Variants in MGAT4C observed in about 807,000 individuals in gnomAD.
The protein encoded by MGAT4C is alpha-1,3-mannosyl-glycoprotein 4-beta-N-acetylglucosaminyltransferase C.
MGAT4C carries 19 observed loss-of-function variants against 40.1 expected under a neutral mutation model. The ratio of observed to expected loss-of-function variants is 0.47; its 90% CI spans 0.33 to 0.70. The LOEUF (loss-of-function observed/expected upper bound fraction) is 0.70. Ranked by LOEUF, MGAT4C falls within the 30% of genes least tolerant of loss-of-function variation. The pLI, the probability that MGAT4C is intolerant of heterozygous loss-of-function variation, is 0.02. For missense variants in MGAT4C, 491 were observed against 563.2 expected, an observed-to-expected ratio of 0.87 and a Z score of 1.30; for synonymous variants, 181 against 187.1, an observed-to-expected ratio of 0.97 and a Z score of 0.27.
At chr12:86,460,609 G>A (rs1957583109) in intron 2 of MGAT4C, among the ~76,000 whole-genome samples, 2 of 152,110 alleles carry the variant, frequency 1.3e-5, no homozygotes, top group East Asian at 3.9e-4. Context: ...TAGCATGTGT[G>A]TGTCTGTATG....
At chr12:86,472,996 C>G (rs1957777869) in intron 2 of MGAT4C, among the ~76,000 whole-genome samples, 1 of 152,076 alleles carries the variant, frequency 6.6e-6, no homozygotes, top group Non-Finnish European at 1.5e-5. Flanking sequence ...CGCTCTGTTA[C>G]CCAGGATGGA....
At chr12:86,158,925 A>G (rs1885283942) in intron 1 of MGAT4C, among the ~76,000 whole-genome samples, 1 of 152,160 alleles carries the variant, frequency 6.6e-6, no homozygotes, top group African/African-American at 2.4e-5. Context: ...TATCAATTCT[A>G]GGAGTCTTTA....
At chr12:86,294,854 C>T (rs1361111393) in intron 4 of MGAT4C, among the ~76,000 whole-genome samples, 1 of 152,116 alleles carries the variant, frequency 6.6e-6, no homozygotes, top group Non-Finnish European at 1.5e-5. Flanking sequence ...CATTTGCTCC[C>T]ACCATTTTCC....
intron 1 of MGAT4C, among the ~76,000 whole-genome samples, chr12:86,057,521 T>A (rs1469459255): frequency 6.6e-6 from 1 of 152,216 alleles, no homozygotes; most frequent in African/African-American, 2.4e-5. Context: ...GCTTTCATGC[T>A]TCAGTGACTT....
chr12:86,043,904 T>G (rs1892133191), intron 2 of MGAT4C, among the ~76,000 whole-genome samples: 1 of 152,238 alleles, frequency 6.6e-6, no homozygotes, highest in African/African-American at 2.4e-5. Context: ...TAAGAACCAT[T>G]GCTGGGGAAC....
intron 2 of MGAT4C, among the ~76,000 whole-genome samples, chr12:86,717,355 A>C (rs1950660954): frequency 6.6e-6 from 1 of 152,088 alleles, no homozygotes; most frequent in South Asian, 2.1e-4. Context: ...GAAAGCAAGA[A>C]TTTTGTATTA....
chr12:86,578,548 T>C (rs1960652947), intron 2 of MGAT4C, among the ~76,000 whole-genome samples: 1 of 151,800 alleles, frequency 6.6e-6, no homozygotes, highest in Admixed American at 6.6e-5. Context: ...CCTTGTTACT[T>C]GTTATTGGCC....
intron 2 of MGAT4C, among the ~76,000 whole-genome samples, chr12:86,716,387 T>A (rs1950645168): frequency 6.6e-6 from 1 of 152,134 alleles, no homozygotes; most frequent in African/African-American, 2.4e-5. Context: ...TATCTTTTTT[T>A]ATTCCTTTTG....
At chr12:86,571,906 T>A (rs117164810) in intron 2 of MGAT4C, among the ~76,000 whole-genome samples, 4,933 of 152,240 alleles carry the variant, frequency 0.032, 116 homozygotes, top group Non-Finnish European at 0.051. Context: ...AATGCATGGT[T>A]ATAAATCCCA....
chr12:86,344,792 C>T (rs1954991426), intron 3 of MGAT4C, among the ~76,000 whole-genome samples: 1 of 148,080 alleles, frequency 6.8e-6, no homozygotes, highest in African/African-American at 2.5e-5. Flanking sequence ...AAGAGGGGCA[C>T]ATTGAGAGGA....
intron 2 of MGAT4C, among the ~76,000 whole-genome samples, chr12:86,712,293 A>C (rs992440315): frequency 1.3e-5 from 2 of 152,270 alleles, no homozygotes; most frequent in Non-Finnish European, 2.9e-5. Flanking sequence ...CCAACTCAAA[A>C]AAATATATAA....
chr12:86,721,426 GA>G lies in MGAT4C; in HGVS notation c.-229+5782del, dbSNP rs374789465. 2.3e-3 allele frequency among the ~76,000 whole-genome samples: 344 copies of G among 147,248 alleles called. 1 individual carries two copies. Among genetic ancestry groups the G allele is most frequent in the South Asian group, 0.01 (47 of 4,608 alleles). ...AGACAGCCATAGAAATGCACCATAA[GA>G]AAAAAAAAAGTAGACTAGCGCAATT... On this transcript the variant is annotated intron_variant, in intron 2 of 7. Coordinates refer to the MGAT4C transcript ENST00000548651.
At chr12:86,693,276 A>G (rs1276319452) in intron 2 of MGAT4C, among the ~76,000 whole-genome samples, 1 of 152,194 alleles carries the variant, frequency 6.6e-6, no homozygotes. Context: ...GTATACACTG[A>G]TTAATTCATT....
intron 2 of MGAT4C, among the ~76,000 whole-genome samples, chr12:86,441,358 A>T (rs1487035930): frequency 1.3e-5 from 2 of 151,066 alleles, no homozygotes; most frequent in Admixed American, 1.3e-4. Flanking sequence ...TATTATTATT[A>T]TTATTATACT....
At chr12:86,279,498 T>C (rs1953160153) in intron 4 of MGAT4C, among the ~76,000 whole-genome samples, 1 of 152,142 alleles carries the variant, frequency 6.6e-6, no homozygotes, top group African/African-American at 2.4e-5. Context: ...GTGTCAGTTG[T>C]AAGTCTCCTT....
upstream of MGAT4C, among the ~76,000 whole-genome samples, chr12:86,260,046 C>T (rs1410347601): frequency 1.3e-5 from 2 of 151,892 alleles, no homozygotes; most frequent in African/African-American, 4.8e-5. Context: ...TACATAGACA[C>T]ATAATTAACA....
chr12:86,730,701 C>T (rs1950893569), intron 1 of MGAT4C, among the ~76,000 whole-genome samples: 2 of 152,002 alleles, frequency 1.3e-5, no homozygotes, highest in South Asian at 4.1e-4. Context: ...CAGTAAAATA[C>T]TGCTGTGTTT....
At chr12:86,489,887 G>T (rs1958098070) in intron 2 of MGAT4C, among the ~76,000 whole-genome samples, 1 of 152,186 alleles carries the variant, frequency 6.6e-6, no homozygotes, top group Non-Finnish European at 1.5e-5. Flanking sequence ...AGAATAAAAA[G>T]AAATGAACAA....
At chr12:86,137,406 T>C (rs1882126751) in intron 1 of MGAT4C, among the ~76,000 whole-genome samples, 1 of 152,216 alleles carries the variant, frequency 6.6e-6, no homozygotes, top group African/African-American at 2.4e-5. Flanking sequence ...TCTGTCCTTC[T>C]ACTGACCTTA....
Sources: allele counts gnomAD v4.1 joint callset (sites outside exome capture counted in the v4.1 genomes callset), GRCh38; gene constraint gnomAD v4.1.1; transcripts MANE v1.5; gene names NCBI Gene and HGNC (gene_info 2026-07-23, HGNC 2026-07-21).